Variants in FNDC3B observed in about 807,000 individuals in gnomAD.
FNDC3B encodes the protein fibronectin type III domain-containing protein 3B.
FNDC3B carries 12 observed loss-of-function variants against 151.5 expected under a neutral mutation model. That is an observed-to-expected ratio of 0.08 (90% confidence interval 0.05 to 0.13). FNDC3B has a LOEUF of 0.13. Among genes scored for constraint, FNDC3B ranks in the 10% least tolerant of loss-of-function variants. The probability of loss-of-function intolerance (pLI) is 1.00; values close to 1 mark genes in which losing one functional copy is unlikely to be tolerated. For synonymous variants in FNDC3B, 528 were observed against 549.0 expected (o/e 0.96, Z 0.54); for missense variants, 1,214 against 1,505.3 (o/e 0.81, Z 3.20).
chr3:172,099,255 C>T (rs990502923), intron 1 of FNDC3B, among the ~76,000 whole-genome samples: 3 of 152,066 alleles, frequency 2.0e-5, no homozygotes, highest in Non-Finnish European at 2.9e-5. Flanking sequence ...ATATTTGAAA[C>T]TTGAGGTTCT....
At chr3:172,194,144 CG>C (rs1252371118) in intron 3 of FNDC3B, among the ~76,000 whole-genome samples, 4 of 151,942 alleles carry the variant, frequency 2.6e-5, no homozygotes, top group Admixed American at 2.0e-4. Context: ...GGCGTGAACC[CG>C]GGGGGCGGAG....
At chr3:172,393,276 A>C (rs918082275) in intron 25 of FNDC3B, among the ~76,000 whole-genome samples, 1 of 152,204 alleles carries the variant, frequency 6.6e-6, no homozygotes. Context: ...TAAGTCAAAA[A>C]CTGTAAAAAG....
chr3:172,236,533 A>T (rs1727174286), intron 4 of FNDC3B, among the ~76,000 whole-genome samples: 1 of 152,188 alleles, frequency 6.6e-6, no homozygotes, highest in Non-Finnish European at 1.5e-5. Context: ...CTTATATATT[A>T]AGTTAATCAA....
intron 4 of FNDC3B, 21 bp from the exon 5 acceptor site, chr3:172,247,512 T>C (rs1727840166): frequency 3.7e-6 from 6 of 1,611,150 alleles, no homozygotes; most frequent in South Asian, 3.3e-5. Flanking sequence ...CTGCGTTCTT[T>C]CCTTTTGTGT....
intron 5 of FNDC3B, among the ~76,000 whole-genome samples, chr3:172,248,827 G>C (rs985135795): frequency 6.7e-6 from 1 of 149,468 alleles, no homozygotes; most frequent in African/African-American, 2.5e-5. Context: ...GAAATATATC[G>C]TTGTAACTTA....
chr3:172,049,190 C>T (rs766368054), intron 1 of FNDC3B, among the ~76,000 whole-genome samples: 1 of 152,118 alleles, frequency 6.6e-6, no homozygotes, highest in Admixed American at 6.6e-5. Context: ...TGCCTCTTTA[C>T]TCCCCCTTGG....
intron 15 of FNDC3B, 194 bp downstream of exon 15, chr3:172,335,276 G>A: frequency 2.2e-6 from 1 of 462,144 alleles, no homozygotes; most frequent in South Asian, 4.0e-5. Context: ...TCATTAAAAT[G>A]TAATCGTAAT....
At chr3:172,226,826 A>G (rs1174649107) in intron 3 of FNDC3B, 45 bp from the exon 4 acceptor site, 2 of 1,141,234 alleles carry the variant, frequency 1.8e-6, no homozygotes, top group Non-Finnish European at 1.3e-6. Flanking sequence ...TATTTTGAAT[A>G]ATGTATGTTT....
chr3:172,373,117 C>G (rs1408233197), intron 23 of FNDC3B, among the ~76,000 whole-genome samples: 1 of 152,166 alleles, frequency 6.6e-6, no homozygotes. Flanking sequence ...TGTGACTCCT[C>G]GTGGAGTGCA....
At chr3:172,171,812 G>A (rs2108635916) in intron 3 of FNDC3B, among the ~76,000 whole-genome samples, 1 of 151,502 alleles carries the variant, frequency 6.6e-6, no homozygotes, top group African/African-American at 2.4e-5. Flanking sequence ...AAATCCAATA[G>A]TGGGGTTTTC....
intron 6 of FNDC3B, among the ~76,000 whole-genome samples, chr3:172,262,102 G>T (rs760025123): frequency 1.3e-5 from 2 of 152,192 alleles, no homozygotes; most frequent in Non-Finnish European, 2.9e-5. Flanking sequence ...AGGAAAACAA[G>T]TGGAATGAAA....
At chr3:172,346,296 C>T in intron 19 of FNDC3B, 31 bp from the exon 20 acceptor site, 1 of 1,264,194 alleles carries the variant, frequency 7.9e-7, no homozygotes, top group Non-Finnish European at 1.2e-6. Context: ...CGCATATATA[C>T]ATACGTGTGT....
rs1463417818 is a variant in FNDC3B, at chr3:172,330,602, C to G, written c.1441C>G (p.Pro481Ala). 5 of 1,614,112 alleles carry G rather than the reference C, an allele frequency of 3.1e-6. No homozygotes were observed. ...AAATATCCCTCAGATGCCTTCTGCACCAAGGCTGGTTCGAGCTGGCATCAC... is the reference window on the plus strand; with the variant it reads ...AAATATCCCTCAGATGCCTTCTGCAGCAAGGCTGGTTCGAGCTGGCATCAC... Reference protein sequence around the residue: ...LGNIPQMPSAPRLVRAGITWV... With the variant: ...LGNIPQMPSAARLVRAGITWV... Residue 481 changes from proline to alanine, a missense_variant, in exon 13 of 26, where the codon CCA becomes GCA. Coordinates refer to ENST00000415807, the MANE Select transcript of FNDC3B (RefSeq NM_022763.4).
At chr3:172,100,068 G>A (rs922051826) in intron 1 of FNDC3B, among the ~76,000 whole-genome samples, 1 of 152,108 alleles carries the variant, frequency 6.6e-6, no homozygotes, top group Non-Finnish European at 1.5e-5. Context: ...TGTCTTTTGT[G>A]TTCATATAAG....
intron 3 of FNDC3B, among the ~76,000 whole-genome samples, chr3:172,223,772 T>C (rs1385431725): frequency 2.6e-5 from 4 of 152,200 alleles, no homozygotes; most frequent in Non-Finnish European, 1.5e-5. Context: ...GCTTTACTAC[T>C]TGTAATAGTA....
At chr3:172,096,149 A>T (rs1260010699) in intron 1 of FNDC3B, among the ~76,000 whole-genome samples, 1 of 152,218 alleles carries the variant, frequency 6.6e-6, no homozygotes, top group South Asian at 2.1e-4. Flanking sequence ...AGTGCCATTG[A>T]ACCTGGTTCC....
intron 1 of FNDC3B, among the ~76,000 whole-genome samples, chr3:172,107,766 G>A (rs1283724485): frequency 2.0e-5 from 3 of 152,020 alleles, no homozygotes; most frequent in Non-Finnish European, 4.4e-5. Context: ...CTGTACTCAG[G>A]GACTCCTCTC....
At chr3:172,396,432 T>G (rs373027567) in intron 25 of FNDC3B, among the ~76,000 whole-genome samples, 13 of 152,188 alleles carry the variant, frequency 8.5e-5, no homozygotes, top group African/African-American at 2.4e-4. Flanking sequence ...TGCTCAGTTT[T>G]TAATTGTTTC....
At chr3:172,293,397 G>T (rs1209624662) in intron 7 of FNDC3B, among the ~76,000 whole-genome samples, 3 of 152,182 alleles carry the variant, frequency 2.0e-5, no homozygotes, top group Non-Finnish European at 2.9e-5. Context: ...TTAAAGAGAT[G>T]TGTAATGCAA....
Sources: allele counts gnomAD v4.1 joint callset (sites outside exome capture counted in the v4.1 genomes callset), GRCh38; gene constraint gnomAD v4.1.1; transcripts MANE v1.5; gene names NCBI Gene and HGNC (gene_info 2026-07-23, HGNC 2026-07-21).